The following FSTL5 variants were observed in gnomAD, a reference collection of about 807,000 sequenced individuals.
FSTL5 encodes follistatin like 5.
A neutral mutation model predicts 89.1 loss-of-function variants in FSTL5; 62 were observed. That is an observed-to-expected ratio of 0.70 (90% CI 0.57 to 0.86). The LOEUF (loss-of-function observed/expected upper bound fraction) is 0.86. Ranked by LOEUF, FSTL5 falls within the 40% of genes least tolerant of loss-of-function variation. FSTL5 has a pLI of 0.00. For missense variants in FSTL5, 1,057 were observed against 1,001.6 expected (o/e 1.06, Z -0.75); for synonymous variants, 383 against 346.2 (o/e 1.11, Z -1.18).
intron 7 of FSTL5, among the ~76,000 whole-genome samples, chr4:161,613,693 C>T (rs1326021855): frequency 6.6e-6 from 1 of 152,158 alleles, no homozygotes; most frequent in Non-Finnish European, 1.5e-5. Context: ...ATCTATTCAC[C>T]TGATCTTTTC....
intron 2 of FSTL5, among the ~76,000 whole-genome samples, chr4:162,060,978 C>T (rs1203127608): frequency 6.6e-6 from 1 of 152,060 alleles, no homozygotes; most frequent in Non-Finnish European, 1.5e-5. Flanking sequence ...ACATTTGACG[C>T]TGCATTTGTA....
chr4:161,969,660 A>G (rs1247007096), intron 3 of FSTL5, among the ~76,000 whole-genome samples: 1 of 152,186 alleles, frequency 6.6e-6, no homozygotes, highest in Non-Finnish European at 1.5e-5. Context: ...AACCAGTTGT[A>G]TAATCCACAC....
intron 8 of FSTL5, among the ~76,000 whole-genome samples, chr4:161,571,041 G>A (rs546800246): frequency 7.8e-4 from 118 of 152,014 alleles, no homozygotes; most frequent in African/African-American, 2.7e-3. Flanking sequence ...CACTTGAGGC[G>A]GAGGTTTCGG....
chr4:162,095,501 G>A (rs1730715729), intron 2 of FSTL5, among the ~76,000 whole-genome samples: 3 of 151,940 alleles, frequency 2.0e-5, no homozygotes, highest in Admixed American at 6.6e-5. Flanking sequence ...AATGAATGTC[G>A]AATCCTGGGA....
intron 5 of FSTL5, among the ~76,000 whole-genome samples, chr4:161,768,048 T>C (rs947545946): frequency 2.0e-5 from 3 of 152,128 alleles, no homozygotes; most frequent in African/African-American, 7.2e-5. Context: ...GTCTGTATTT[T>C]TTTGGAGAGG....
intron 6 of FSTL5, among the ~76,000 whole-genome samples, chr4:161,719,898 C>A (rs189490665): frequency 6.6e-6 from 1 of 152,008 alleles, no homozygotes; most frequent in Non-Finnish European, 1.5e-5. Context: ...ACACAAAAAT[C>A]AACTCAAAAT....
rs74281503 is a variant in FSTL5 at position 161,752,226 on chromosome 4, CAGATAGATAGATAGAT to C, written c.727+7169_727+7184del. 5.3e-3 allele frequency among the ~76,000 whole-genome samples: 733 copies of C among 139,068 alleles called. 7 individuals carry two copies. The highest frequency in any genetic ancestry group is 0.02 in the African/African-American group (685 of 35,070). The allele number at this position is 139,068 out of a possible 152,430, so 91.2% of individuals were successfully genotyped here. On this transcript the variant is annotated intron_variant, in intron 6 of 15. Transcript: ENST00000306100. ...TAAATATAGACAGATGATAGATGGA[CAGATAGATAGATAGAT>C]AGATAGATAGATAGATAGATAGATA...
At chr4:161,709,120 G>A (rs1738688569) in intron 6 of FSTL5, among the ~76,000 whole-genome samples, 1 of 152,104 alleles carries the variant, frequency 6.6e-6, no homozygotes, top group Non-Finnish European at 1.5e-5. Context: ...GTAGACTTAT[G>A]TTAGTGGTGC....
intron 2 of FSTL5, among the ~76,000 whole-genome samples, chr4:162,089,405 C>T (rs1227726238): frequency 1.3e-5 from 2 of 151,804 alleles, no homozygotes; most frequent in African/African-American, 4.8e-5. Context: ...GATGCCGAGG[C>T]GGGTGGATCT....
chr4:161,770,316 T>A (rs1472125257), intron 5 of FSTL5, among the ~76,000 whole-genome samples: 1 of 151,998 alleles, frequency 6.6e-6, no homozygotes, highest in East Asian at 1.9e-4. Context: ...TAGACAATGC[T>A]AATATTGTAC....
At chr4:161,791,405 CAA>C (rs67569915) in intron 4 of FSTL5, among the ~76,000 whole-genome samples, 111,406 of 151,926 alleles carry the variant, frequency 0.73, 40,895 homozygotes, top group Non-Finnish European at 0.76. Context: ...CAGATTGAAA[CAA>C]AATTAATCTA....
At chr4:161,655,665 A>G (rs1276583078) in intron 7 of FSTL5, among the ~76,000 whole-genome samples, 1 of 152,178 alleles carries the variant, frequency 6.6e-6, no homozygotes, top group Non-Finnish European at 1.5e-5. Context: ...TCCTGATCCT[A>G]TCCTTATCCT....
At chr4:161,972,998 A>C (rs1266517121) in intron 3 of FSTL5, among the ~76,000 whole-genome samples, 1 of 152,162 alleles carries the variant, frequency 6.6e-6, no homozygotes, top group East Asian at 1.9e-4. Flanking sequence ...GTGGCTTCTC[A>C]TTGATTCTTA....
intron 1 of FSTL5, among the ~76,000 whole-genome samples, chr4:162,128,008 A>G (rs565432172): frequency 1.3e-5 from 2 of 152,308 alleles, no homozygotes; most frequent in South Asian, 2.1e-4. Context: ...TGGTCCAAAT[A>G]GTTAATATGC....
chr4:161,408,342 A>C (rs1470529844), intron 15 of FSTL5, among the ~76,000 whole-genome samples: 1 of 152,140 alleles, frequency 6.6e-6, no homozygotes, highest in Non-Finnish European at 1.5e-5. Context: ...CCTCCTGCAA[A>C]ACCAAGAACA....
At chr4:161,646,559 T>C (rs1036473644) in intron 7 of FSTL5, among the ~76,000 whole-genome samples, 3 of 152,112 alleles carry the variant, frequency 2.0e-5, no homozygotes, top group Non-Finnish European at 4.4e-5. Context: ...TGTTTTGATA[T>C]ATTTTCTCCC....
chr4:161,807,021 T>C (rs778899503), intron 4 of FSTL5, among the ~76,000 whole-genome samples: 2 of 152,098 alleles, frequency 1.3e-5, no homozygotes, highest in African/African-American at 2.4e-5. Flanking sequence ...GAGTAAAGTA[T>C]ATAAACAACC....
intron 2 of FSTL5, among the ~76,000 whole-genome samples, chr4:162,035,587 G>C (rs950647544): frequency 1.3e-5 from 2 of 152,106 alleles, no homozygotes; most frequent in African/African-American, 2.4e-5. Context: ...ATAGGAGCCA[G>C]ACAGACTAGC....
intron 13 of FSTL5, among the ~76,000 whole-genome samples, chr4:161,461,934 TA>T (rs5863460): frequency 0.77 from 116,085 of 151,110 alleles, 44,600 homozygotes; most frequent in East Asian, 0.85. Flanking sequence ...AAAGAAACAG[TA>T]AAAAAAAAAA....
Sources: gnomAD v4.1 joint callset for allele counts (sites outside exome capture counted in the v4.1 genomes callset) on GRCh38, gnomAD v4.1.1 for gene constraint, MANE v1.5 for transcripts, NCBI Gene and HGNC (gene_info 2026-07-23, HGNC 2026-07-21) for gene names.